The following CLEC4C variants were observed in gnomAD, a reference collection of about 807,000 sequenced individuals.
CLEC4C encodes the protein C-type (calcium dependent, carbohydrate-recognition domain) lectin, superfamily member 11.
In CLEC4C, 17 loss-of-function variants were observed where a neutral mutation model predicts 27.7. That is an observed-to-expected ratio of 0.61 (90% CI 0.42 to 0.92). CLEC4C has a LOEUF of 0.92. CLEC4C is among the 40% of genes least tolerant of loss of function. The pLI, the probability that CLEC4C is intolerant of heterozygous loss-of-function variation, is 0.00. For synonymous variants in CLEC4C, 80 were observed against 80.8 expected (o/e 0.99, Z 0.06); for missense variants, 244 against 257.3 (o/e 0.95, Z 0.35).
Position 7,737,554 on chromosome 12 carries a change from G to C in CLEC4C, c.256C>G (p.Pro86Ala). The C allele has an allele frequency of 6.2e-7, 1 of 1,613,458 alleles. No individual in the cohort carries two copies. Among genetic ancestry groups the C allele is most frequent in the Non-Finnish European group, 8.5e-7 (1 of 1,179,866 alleles). ...DIEDWSCCPT[P>A]WTSFQSSCYF... Reference sequence around the variant, plus strand: ...CAACTAGACTGAAATGAAGTCCAAGGGGTTGGGCAGCAGCTCCAATCTTCC... The same window carrying C: ...CAACTAGACTGAAATGAAGTCCAAGCGGTTGGGCAGCAGCTCCAATCTTCC... The change falls in exon 4 of 6, where the codon CCT becomes GCT. Residue 86 changes from proline (P) to alanine (A), a missense_variant. Pro to Ala is a conservative substitution (Grantham distance 27). Transcript: ENST00000360345.
At chr12:7,733,655 G>A (rs1172127517) in intron 4 of CLEC4C, among the ~76,000 whole-genome samples, 1 of 151,528 alleles carries the variant, frequency 6.6e-6, no homozygotes, top group Non-Finnish European at 1.5e-5. Flanking sequence ...CTAATTTTTT[G>A]TATTTTTAGT....
intron 5 of CLEC4C, 114 bp downstream of exon 5, chr12:7,730,683 C>A: frequency 1.0e-5 from 6 of 574,432 alleles, no homozygotes; most frequent in Non-Finnish European, 1.6e-5. Flanking sequence ...TCAAATAGAC[C>A]TAGGTTTTAA....
chr12:7,744,824 A>G (rs1555106093), intron 2 of CLEC4C, among the ~76,000 whole-genome samples: 1 of 152,066 alleles, frequency 6.6e-6, no homozygotes, highest in Non-Finnish European at 1.5e-5. Context: ...TCTGTTGCCC[A>G]GGCTGGTCTT....
chr12:7,742,166 G>A (rs1478289165), intron 2 of CLEC4C, among the ~76,000 whole-genome samples: 3 of 149,416 alleles, frequency 2.0e-5, no homozygotes, highest in Non-Finnish European at 4.5e-5. Flanking sequence ...GGTGACAAGA[G>A]TGCAACTCCA....
At chr12:7,738,962 CT>C (rs1864790966) in intron 3 of CLEC4C, among the ~76,000 whole-genome samples, 1 of 131,364 alleles carries the variant, frequency 7.6e-6, no homozygotes, top group African/African-American at 2.8e-5. Context: ...TCCCTCCCCC[CT>C]CCCCACCCCA....
At chr12:7,731,079 G>A (rs1207863696) in intron 4 of CLEC4C, among the ~76,000 whole-genome samples, 167 bp from the exon 5 acceptor site, 1 of 152,018 alleles carries the variant, frequency 6.6e-6, no homozygotes, top group African/African-American at 2.4e-5. Flanking sequence ...GCAAAACACA[G>A]ATAAGACAGC....
At chr12:7,741,680 G>C (rs1864859750) in intron 2 of CLEC4C, 149 bp from the exon 3 acceptor site, 1 of 554,692 alleles carries the variant, frequency 1.8e-6, no homozygotes, top group Admixed American at 3.0e-5. Flanking sequence ...TTGAGGTCGG[G>C]AGTTAGAGAC....
Position 7,730,919 on chromosome 12 carries a change from G to C in CLEC4C, c.382-7C>G. 3 of 1,378,566 alleles carry C rather than the reference G, an allele frequency of 2.2e-6. No individual in the cohort carries two copies. The highest frequency in any genetic ancestry group is 3.1e-6 in the Non-Finnish European group (3 of 966,120). The allele number at this position is 1,378,566 out of a possible 1,614,324, so 85.4% of individuals were successfully genotyped here. A position where few individuals can be genotyped will look rare whatever the true frequency, so the allele number is the denominator to read the frequency against. Reference sequence around the variant, plus strand: ...GATTCTGAATGATGAAATCCTGAGGGAAGAAAATGGAAGAGTCATAGCTGA... The same window carrying C: ...GATTCTGAATGATGAAATCCTGAGGCAAGAAAATGGAAGAGTCATAGCTGA... On this transcript the variant is annotated splice_polypyrimidine_tract_variant and splice_region_variant and intron_variant, in intron 4 of 5. Coordinates refer to ENST00000360345, the MANE Select transcript of CLEC4C (RefSeq NM_001371390.1).
At chr12:7,747,388 G>A, upstream of CLEC4C, 2 of 1,606,900 alleles carry the variant, frequency 1.2e-6, no homozygotes, top group Non-Finnish European at 1.7e-6. Context: ...CTATCAGGTG[G>A]GTGCAGAAGC....
Position 7,735,698 on chromosome 12 carries a change from G to T in CLEC4C, c.381+1731C>A, listed in dbSNP as rs1311040085. ...TGGTCGCCTGTAATCCCAGCTACTC[G>T]GGAGACAGAGAGGAGAATCGCTTGA... On this transcript the variant is annotated intron_variant, in intron 4 of 5. Transcript: ENST00000360345. Among the ~76,000 whole-genome samples the T allele has an allele frequency of 2.1e-5, 3 of 140,014 alleles. No homozygotes were observed. The Admixed American group carries it at 2.3e-4, about 11-fold the overall frequency. The allele number at this position is 140,014 out of a possible 152,430, so 91.9% of individuals were successfully genotyped here.
rs762051121 is a variant in CLEC4C at position 7,733,481 on chromosome 12, C to CTTT, written c.382-2572_382-2570dup. On this transcript the variant is annotated intron_variant, in intron 4 of 5. Transcript: ENST00000360345. The stretch of plus-strand genomic sequence containing the variant: ...GTTTCACCATGTTGACCAAGCTGGT[C>CTTT]TTTTTTTTTTTTTTTTTTGAGACTG... 2.1e-3 allele frequency among the ~76,000 whole-genome samples: 252 copies of CTTT among 119,824 alleles called. 10 individuals are homozygous for CTTT. Among genetic ancestry groups the CTTT allele is most frequent in the Middle Eastern group, 0.02 (4 of 204 alleles). 78.6% of individuals were successfully genotyped at this position (119,824 alleles called of 152,430 possible).
At chr12:7,740,679 C>G (rs773217502) in intron 3 of CLEC4C, among the ~76,000 whole-genome samples, 2 of 138,914 alleles carry the variant, frequency 1.4e-5, no homozygotes, top group Non-Finnish European at 3.1e-5. Context: ...CCAGCCTGGG[C>G]GACAGAGTGA....
At chr12:7,746,169 A>C (rs997044844) in intron 2 of CLEC4C, among the ~76,000 whole-genome samples, 162 bp downstream of exon 2, 16 of 149,430 alleles carry the variant, frequency 1.1e-4, no homozygotes, top group South Asian at 2.1e-4. Context: ...AGCCGAGATC[A>C]CGCCACTGCA....
intron 2 of CLEC4C, among the ~76,000 whole-genome samples, chr12:7,744,026 T>C (rs770732731): frequency 9.9e-5 from 15 of 152,102 alleles, no homozygotes; most frequent in Non-Finnish European, 1.9e-4. Context: ...GGGGAGGGGC[T>C]GATCTCACCC....
At chr12:7,748,493 T>A (rs1865036799), upstream of CLEC4C, among the ~76,000 whole-genome samples, 1 of 151,832 alleles carries the variant, frequency 6.6e-6, no homozygotes, top group African/African-American at 2.4e-5. Context: ...GCCACTGCAC[T>A]CCACCCTGGG....
intron 2 of CLEC4C, among the ~76,000 whole-genome samples, chr12:7,742,678 ACG>A (rs1864883068): frequency 1.3e-5 from 2 of 150,516 alleles, no homozygotes; most frequent in African/African-American, 4.9e-5. Flanking sequence ...GCGTGGTGAC[ACG>A]TGTCTATTAA....
intron 4 of CLEC4C, among the ~76,000 whole-genome samples, chr12:7,735,630 C>A (rs540243956): frequency 6.7e-6 from 1 of 150,042 alleles, no homozygotes; most frequent in South Asian, 2.1e-4. Context: ...TATGGTGAAA[C>A]CCCGTCTCTA....
chr12:7,738,031 C>T (rs1280652448), intron 3 of CLEC4C, among the ~76,000 whole-genome samples: 2 of 152,144 alleles, frequency 1.3e-5, no homozygotes, highest in Non-Finnish European at 2.9e-5. Flanking sequence ...TTCAGGTTCT[C>T]ATCATTCATT....
At chr12:7,738,034 C>G (rs762150309) in intron 3 of CLEC4C, among the ~76,000 whole-genome samples, 1 of 152,288 alleles carries the variant, frequency 6.6e-6, no homozygotes, top group African/African-American at 2.4e-5. Context: ...AGGTTCTCAT[C>G]ATTCATTGGT....
Sources: allele counts gnomAD v4.1 joint callset (sites outside exome capture counted in the v4.1 genomes callset), GRCh38; gene constraint gnomAD v4.1.1; transcripts MANE v1.5; gene names NCBI Gene and HGNC (gene_info 2026-07-23, HGNC 2026-07-21).